The following HDLBP variants were observed in gnomAD, a reference collection of about 807,000 sequenced individuals.
HDLBP encodes high density lipoprotein binding protein.
Under a neutral mutation model 137.3 loss-of-function variants are expected in HDLBP, and 30 were observed. The ratio of observed to expected loss-of-function variants is 0.22; its 90% CI spans 0.16 to 0.30. HDLBP has a LOEUF of 0.30. Ranked by LOEUF, HDLBP falls within the 10% of genes least tolerant of loss-of-function variation. The pLI is 1.00. For synonymous variants in HDLBP, 606 were observed against 596.0 expected, an observed-to-expected ratio of 1.02 and a Z score of -0.24; for missense variants, 1,119 against 1,667.3, an observed-to-expected ratio of 0.67 and a Z score of 5.73.
At chr2:241,254,917 C>T (rs890289644) in intron 9 of HDLBP, 134 bp downstream of exon 9, 3 of 717,530 alleles carry the variant, frequency 4.2e-6, no homozygotes, top group African/African-American at 1.8e-5. Flanking sequence ...CCATGTCAAA[C>T]AGGCCAGTTA....
intron 1 of HDLBP, among the ~76,000 whole-genome samples, chr2:241,274,048 A>T (rs1230468287): frequency 1.3e-5 from 2 of 152,214 alleles, no homozygotes; most frequent in African/African-American, 4.8e-5. Context: ...AGGGGTGTAA[A>T]AGAAGTTAAG....
In HDLBP at chr2:241,239,811, C is replaced by G; in HGVS notation, c.2401G>C (p.Val801Leu). 1 of 1,613,768 alleles carries G rather than the reference C, an allele frequency of 6.2e-7. No individual in the cohort carries two copies. The highest frequency in any genetic ancestry group is 1.7e-4 in the Middle Eastern group (1 of 6,060). Reference protein sequence around the residue: ...EALIQNLDNVVEDSMLVDPKH... With the variant: ...EALIQNLDNVLEDSMLVDPKH... ...GGGTCCACCAGCATGGAGTCTTCCA[C>G]CACATTATCCTGCAGTGTTAAGAAG... The change falls in exon 19 of 28, where the codon GTG becomes CTG. Residue 801 changes from valine to leucine, a missense_variant. By Grantham distance (32) the Val-to-Leu change is conservative. This residue lies in a region of HDLBP where 618 missense variants were observed against 816.7 expected (regional missense o/e 0.76). Transcript: ENST00000310931. This position sits in a 1 kb window ranked among gnomAD's most constrained non-coding sequence, Gnocchi z 4.6.
chr2:241,241,228 G>A (rs1315583065), intron 17 of HDLBP, among the ~76,000 whole-genome samples: 1 of 152,120 alleles, frequency 6.6e-6, no homozygotes, highest in African/African-American at 2.4e-5. Flanking sequence ...AGAGAGAAAT[G>A]TAACTGTCCA....
At chr2:241,257,241 T>C (rs2149489773) in intron 5 of HDLBP, among the ~76,000 whole-genome samples, 1 of 152,352 alleles carries the variant, frequency 6.6e-6, no homozygotes, top group South Asian at 2.1e-4. Context: ...GAGATGCGTT[T>C]CTTTTTTTTT....
At chr2:241,229,784 G>GGGGGGCC in intron 27 of HDLBP, 49 bp downstream of exon 27, 3 of 1,502,548 alleles carry the variant, frequency 2.0e-6, no homozygotes, top group Non-Finnish European at 1.8e-6. Flanking sequence ...AAGCCCGCCT[G>GGGGGGCC]CCCGCCCACC....
At chr2:241,280,090 T>C (rs989971743) in intron 1 of HDLBP, 57 of 985,272 alleles carry the variant, frequency 5.8e-5, no homozygotes, top group Non-Finnish European at 6.5e-5. Context: ...TAGGAAGTTA[T>C]TGGCACCATG....
In HDLBP at chr2:241,264,219, G is replaced by A. The variant is rs371275287; in HGVS notation, c.234+229C>T. On this transcript the variant is annotated intron_variant, in intron 4 of 27. Transcript: ENST00000310931. ...TCTACTAAAAATACAAAAATTAGCC[G>A]GGCGTGGTGGCGGGCACCTGTAGTC... is the stretch of plus-strand genomic sequence containing the variant. Among the ~76,000 whole-genome samples, 23 of 151,684 alleles carry A rather than the reference G, an allele frequency of 1.5e-4. 1 individual carries two copies. The South Asian group carries it at 2.1e-3, about 14-fold the overall frequency.
chr2:241,232,081 G>A (rs2149326488), intron 24 of HDLBP, among the ~76,000 whole-genome samples: 1 of 152,238 alleles, frequency 6.6e-6, no homozygotes, highest in Middle Eastern at 3.4e-3. Flanking sequence ...AAATGCCAGA[G>A]TGGGAGGCAG....
Position 241,264,544 on chromosome 2 carries a change from T to A in HDLBP, c.138A>T (p.Pro46=), listed in dbSNP as rs746229374. The part of the protein sequence containing the change: ...DPPTYKDAFP[P]LPEKAACLES... ...CCAGGCAAGCAGCTTTCTCAGGAAG[T>A]GGAGGGAAGGCATCCTTGTAGGTTG... Residue 46 remains proline (P), a synonymous_variant, in exon 4 of 28, where the codon CCA becomes CCT. Coordinates refer to ENST00000310931, the MANE Select transcript of HDLBP (RefSeq NM_005336.6). The A allele has an allele frequency of 6.2e-7, 1 of 1,613,626 alleles. No individual in the cohort carries two copies. The highest frequency in any genetic ancestry group is 1.1e-5 in the South Asian group (1 of 91,054).
In HDLBP at chr2:241,272,135, A is replaced by T. The variant is rs1462447269; in HGVS notation, c.-102-3594T>A. 1.0e-6 allele frequency: 1 copy of T among 979,256 alleles called. No individual in the cohort carries two copies. The highest frequency in any genetic ancestry group is 1.2e-6 in the Non-Finnish European group (1 of 824,418). 60.7% of individuals were successfully genotyped at this position (979,256 alleles called of 1,614,324 possible). ...ACGTCCAAGTTGCACTCCAGGCCCA[A>T]GAAGAGCAGCTTTCCCCACCCCCGA... On this transcript the variant is annotated intron_variant, in intron 1 of 27. Coordinates refer to ENST00000310931, the MANE Select transcript of HDLBP (RefSeq NM_005336.6). The surrounding 1 kb of genome is among the most constrained non-coding windows in gnomAD (Gnocchi z 5.6).
Position 241,230,962 on chromosome 2 carries a change from A to T in HDLBP, c.3289-18T>A, listed in dbSNP as rs1559471269. ...TCCTGGGGCTAAAAAAGGAGAATGT[A>T]GTCAGAAAAGGGGATGCCTTACTGG... On this transcript the variant is annotated intron_variant, in intron 24 of 27. Coordinates refer to ENST00000310931, the MANE Select transcript of HDLBP (RefSeq NM_005336.6). This position sits in a 1 kb window ranked among gnomAD's most constrained non-coding sequence, Gnocchi z 5.0. 1 of 1,608,076 alleles carries T rather than the reference A, an allele frequency of 6.2e-7. No individual in the cohort carries two copies. Among genetic ancestry groups the T allele is most frequent in the East Asian group, 2.2e-5 (1 of 44,750 alleles).
intron 1 of HDLBP, among the ~76,000 whole-genome samples, chr2:241,298,068 A>C (rs908652086): frequency 2.8e-5 from 4 of 144,558 alleles, no homozygotes; most frequent in African/African-American, 1.0e-4. Flanking sequence ...AAAAAAAAAA[A>C]AAAAAAAAAA....
At chr2:241,250,242 A>C in intron 11 of HDLBP, 1 of 326,228 alleles carries the variant, frequency 3.1e-6, no homozygotes, top group Non-Finnish European at 5.6e-6. Flanking sequence ...CCTTCAAATA[A>C]CTGACGGTTG....
At chr2:241,268,373 T>C (rs2073834488) in intron 2 of HDLBP, 104 bp downstream of exon 2, 5 of 725,362 alleles carry the variant, frequency 6.9e-6, no homozygotes, top group Non-Finnish European at 8.4e-6. Context: ...AGGTGTGATA[T>C]AAAGAAAGAA....
intron 12 of HDLBP, among the ~76,000 whole-genome samples, chr2:241,248,556 C>T (rs2071862845): frequency 6.6e-6 from 1 of 152,156 alleles, no homozygotes; most frequent in East Asian, 1.9e-4. Context: ...AGCATCGCTA[C>T]ACTCCGCAAC....
chr2:241,294,927 C>G (rs551027079), intron 1 of HDLBP, among the ~76,000 whole-genome samples: 4 of 151,986 alleles, frequency 2.6e-5, no homozygotes, highest in South Asian at 4.1e-4. Context: ...ATGGTGAAAC[C>G]CCATCTCTAC....
At chr2:241,266,939 G>C in intron 2 of HDLBP, 33 bp from the exon 3 acceptor site, 1 of 1,448,104 alleles carries the variant, frequency 6.9e-7, no homozygotes, top group Non-Finnish European at 9.7e-7. Flanking sequence ...AGAAGTCAAA[G>C]TACAACCCTC....
At chr2:241,301,997 G>A (rs893891865) in intron 1 of HDLBP, among the ~76,000 whole-genome samples, 4 of 151,620 alleles carry the variant, frequency 2.6e-5, no homozygotes, top group Non-Finnish European at 5.9e-5. Flanking sequence ...TTGGGAGGCC[G>A]AGGTGGGAGG....
At chr2:241,247,303 C>T in intron 14 of HDLBP, 161 bp from the exon 15 acceptor site, 1 of 616,554 alleles carries the variant, frequency 1.6e-6, no homozygotes, top group Non-Finnish European at 2.9e-6. Context: ...GATCATTTGT[C>T]CAACAACTAA....
Sources: allele counts gnomAD v4.1 joint callset (sites outside exome capture counted in the v4.1 genomes callset), GRCh38; gene constraint gnomAD v4.1.1; regional missense constraint gnomAD v4.1.1; non-coding constraint Gnocchi (gnomAD v3.1); transcripts MANE v1.5; gene names NCBI Gene and HGNC (gene_info 2026-07-23, HGNC 2026-07-21).